The following PRKN variants were observed in gnomAD, a reference collection of about 807,000 sequenced individuals.
PRKN encodes parkin RBR E3 ubiquitin protein ligase.
PRKN carries 56 observed loss-of-function variants against 59.5 expected under a neutral mutation model. The ratio of observed to expected loss-of-function variants is 0.94; its 90% CI spans 0.76 to 1.18. The LOEUF is 1.18. Among genes scored for constraint, PRKN ranks in the 50% most tolerant of loss-of-function variants. The pLI, the probability that PRKN is intolerant of heterozygous loss-of-function variation, is 0.00. For synonymous variants in PRKN, 250 were observed against 222.1 expected, an observed-to-expected ratio of 1.13 and a Z score of -1.12; for missense variants, 657 against 596.4, an observed-to-expected ratio of 1.10 and a Z score of -1.06.
At chr6:161,846,721 G>T (rs1793212798) in intron 6 of PRKN, among the ~76,000 whole-genome samples, 1 of 152,132 alleles carries the variant, frequency 6.6e-6, no homozygotes, top group African/African-American at 2.4e-5. Flanking sequence ...CCAGATTTGG[G>T]TCCCACCTTA....
At chr6:161,895,368 C>T (rs1388736045) in intron 6 of PRKN, among the ~76,000 whole-genome samples, 1 of 152,156 alleles carries the variant, frequency 6.6e-6, no homozygotes, top group African/African-American at 2.4e-5. Context: ...GCCTGCTAAC[C>T]GTGGCTGGAC....
At chr6:162,014,045 G>T (rs1434708691) in intron 5 of PRKN, among the ~76,000 whole-genome samples, 1 of 152,104 alleles carries the variant, frequency 6.6e-6, no homozygotes, top group African/African-American at 2.4e-5. Context: ...AAGGGTCACT[G>T]TCCTAACCTG....
At chr6:161,777,950 T>C (rs1188217128) in intron 7 of PRKN, among the ~76,000 whole-genome samples, 4 of 149,158 alleles carry the variant, frequency 2.7e-5, no homozygotes, top group African/African-American at 7.4e-5. Context: ...GTCCCAGGGG[T>C]TTAAAAATTA....
chr6:161,935,554 C>CAAAA (rs773798640), intron 6 of PRKN, among the ~76,000 whole-genome samples: 2 of 82,624 alleles, frequency 2.4e-5, no homozygotes, highest in Non-Finnish European at 5.0e-5. Context: ...ACCTTGTTTC[C>CAAAA]AAAAAAAAAA....
chr6:161,413,110 C>G lies in PRKN; in HGVS notation c.1084-26233G>C, dbSNP rs1375693142. Among the ~76,000 whole-genome samples, 3 of 152,172 alleles carry G rather than the reference C, an allele frequency of 2.0e-5. No individual in the cohort carries two copies. The highest frequency in any genetic ancestry group is 6.5e-5 in the Admixed American group (1 of 15,280). On this transcript the variant is annotated intron_variant, in intron 9 of 11. Coordinates refer to ENST00000366898, the MANE Select transcript of PRKN (RefSeq NM_004562.3). This position sits in a 1 kb window ranked among gnomAD's most constrained non-coding sequence, Gnocchi z 4.4. ...TCCTTTGGAAATTATATTACCTTTT[C>G]TGAACACCTAAATAACACCAGGAGG...
chr6:161,893,550 T>C (rs1179588402), intron 6 of PRKN, among the ~76,000 whole-genome samples: 1 of 152,208 alleles, frequency 6.6e-6, no homozygotes, highest in African/African-American at 2.4e-5. Context: ...AGAGACAGAC[T>C]AGAGGAGCGA....
At chr6:161,594,616 G>A (rs1781847180) in intron 7 of PRKN, among the ~76,000 whole-genome samples, 1 of 152,104 alleles carries the variant, frequency 6.6e-6, no homozygotes, top group Middle Eastern at 3.2e-3. Context: ...TCATTACAGG[G>A]TCACATATTT....
chr6:161,766,644 T>C (rs1789435744), intron 7 of PRKN, among the ~76,000 whole-genome samples: 1 of 152,136 alleles, frequency 6.6e-6, no homozygotes, highest in Non-Finnish European at 1.5e-5. Context: ...AACATCAATC[T>C]AAAGGTACTG....
At chr6:162,163,191 C>T (rs546549836) in intron 4 of PRKN, among the ~76,000 whole-genome samples, 9 of 148,958 alleles carry the variant, frequency 6.0e-5, no homozygotes, top group Non-Finnish European at 1.0e-4. Flanking sequence ...GTATATGCCA[C>T]GCTAGTTTCT....
chr6:161,716,057 G>A (rs1258592942), intron 7 of PRKN: 2 of 1,290,974 alleles, frequency 1.5e-6, no homozygotes, highest in East Asian at 4.6e-5. Context: ...CCACCATGCT[G>A]TGCTGGGCCC....
rs1213032155 is a variant in PRKN at position 161,475,505 on chromosome 6, T to A, written c.1083+73349A>T. On this transcript the variant is annotated intron_variant, in intron 9 of 11. Transcript: ENST00000366898. This position sits in a 1 kb window ranked among gnomAD's most constrained non-coding sequence, Gnocchi z 5.3. ...ATGCACGGTATTGACTTGTTATTTTTATTTACATATATTTTTGAGACGAGG... is the reference window on the plus strand; with the variant it reads ...ATGCACGGTATTGACTTGTTATTTTAATTTACATATATTTTTGAGACGAGG... Among the ~76,000 whole-genome samples the A allele has an allele frequency of 2.6e-5, 4 of 152,234 alleles. No homozygotes were observed. Among genetic ancestry groups the A allele is most frequent in the Non-Finnish European group, 5.9e-5 (4 of 68,036 alleles).
rs897672410 is a variant in PRKN, at chr6:161,466,132, A to G, written c.1084-79255T>C. Among the ~76,000 whole-genome samples the G allele has an allele frequency of 6.6e-6, 1 of 152,112 alleles. No individual in the cohort carries two copies. Among genetic ancestry groups the G allele is most frequent in the African/African-American group, 2.4e-5 (1 of 41,414 alleles). On this transcript the variant is annotated intron_variant, in intron 9 of 11. Coordinates refer to ENST00000366898, the MANE Select transcript of PRKN (RefSeq NM_004562.3). This position sits in a 1 kb window ranked among gnomAD's most constrained non-coding sequence, Gnocchi z 5.0. ...CCTAGTCTTAGCACATTTCAAGTAC[A>G]CAATACAACATTATTAACTCTAGTC...
chr6:162,673,961 T>C (rs186381719), intron 1 of PRKN, among the ~76,000 whole-genome samples: 88 of 152,300 alleles, frequency 5.8e-4, no homozygotes, highest in Non-Finnish European at 1.1e-3. Context: ...TCAATGACTT[T>C]TTCTGGGCCT....
At chr6:161,712,867 G>GT (rs1491356501) in intron 7 of PRKN, among the ~76,000 whole-genome samples, 1 of 152,140 alleles carries the variant, frequency 6.6e-6, no homozygotes, top group Non-Finnish European at 1.5e-5. Flanking sequence ...TGACCAGATG[G>GT]TGGTGGGGGG....
At chr6:161,643,399 G>A (rs1783811141) in intron 7 of PRKN, among the ~76,000 whole-genome samples, 4 of 152,162 alleles carry the variant, frequency 2.6e-5, no homozygotes, top group Admixed American at 2.6e-4. Context: ...ACTGAAGGAT[G>A]TTGGTTAACT....
intron 1 of PRKN, among the ~76,000 whole-genome samples, chr6:162,716,786 GCACACACA>G (rs67307025): frequency 2.1e-4 from 31 of 148,826 alleles, no homozygotes; most frequent in African/African-American, 1.2e-4. Context: ...ACACACACGC[GCACACACA>G]CACACACACA....
Position 161,538,617 on chromosome 6 carries a change from T to A in PRKN, c.1083+10237A>T, listed in dbSNP as rs503783. 6.6e-6 allele frequency among the ~76,000 whole-genome samples: 1 copy of A among 151,816 alleles called. No homozygotes were observed. The highest frequency in any genetic ancestry group is 1.5e-5 in the Non-Finnish European group (1 of 67,994). Reference sequence around the variant, plus strand: ...TCTTTGAGGACTTCAACTGGTAGAATCCTGGGGCCCACTGAGATGCCAAGC... The same window carrying A: ...TCTTTGAGGACTTCAACTGGTAGAAACCTGGGGCCCACTGAGATGCCAAGC... On this transcript the variant is annotated intron_variant, in intron 9 of 11. Coordinates refer to ENST00000366898, the MANE Select transcript of PRKN (RefSeq NM_004562.3). The surrounding 1 kb of genome is among the most constrained non-coding windows in gnomAD (Gnocchi z 4.2).
chr6:162,021,145 TATA>T lies in PRKN; in HGVS notation c.618+32943_618+32945del, dbSNP rs1164118163. 4.6e-3 allele frequency among the ~76,000 whole-genome samples: 40 copies of T among 8,718 alleles called. 2 individuals carry two copies. Among genetic ancestry groups the T allele is most frequent in the Middle Eastern group, 0.1 (2 of 20 alleles). 5.7% of individuals were successfully genotyped at this position (8,718 alleles called of 152,430 possible). On this transcript the variant is annotated intron_variant, in intron 5 of 11. Transcript: ENST00000366898. ...ATATATATATATATATATATATATA[TATA>T]TATATATATATATATATAAAATATA...
chr6:162,621,490 A>C (rs1230694264), intron 1 of PRKN, among the ~76,000 whole-genome samples: 1 of 152,208 alleles, frequency 6.6e-6, no homozygotes, highest in Non-Finnish European at 1.5e-5. Flanking sequence ...GAGAAACATG[A>C]GTCAGTTCAG....
Sources: allele counts gnomAD v4.1 joint callset (sites outside exome capture counted in the v4.1 genomes callset), GRCh38; gene constraint gnomAD v4.1.1; non-coding constraint Gnocchi (gnomAD v3.1); transcripts MANE v1.5; gene names NCBI Gene and HGNC (gene_info 2026-07-23, HGNC 2026-07-21).